ALPK1: variants seen among roughly 807,000 people sequenced by gnomAD.
ALPK1 encodes alpha-protein kinase 1.
A neutral mutation model predicts 120.6 loss-of-function variants in ALPK1; 110 were observed. That is an observed-to-expected ratio of 0.91 (90% CI 0.78 to 1.07). The LOEUF (loss-of-function observed/expected upper bound fraction) is 1.07, where lower values mean the gene tolerates loss of function less well. ALPK1 is among the 50% of genes least tolerant of loss of function. The probability of loss-of-function intolerance (pLI) is 0.00; values close to 1 mark genes in which losing one functional copy is unlikely to be tolerated. For missense variants in ALPK1, 1,498 were observed against 1,483.9 expected (o/e 1.01, Z -0.16); for synonymous variants, 582 against 560.3 (o/e 1.04, Z -0.55).
At chr4:112,337,258 TA>T (rs1729660484) in intron 2 of ALPK1, among the ~76,000 whole-genome samples, 1 of 152,194 alleles carries the variant, frequency 6.6e-6, no homozygotes. Context: ...TTCTTTGAAA[TA>T]AAAGCACATT....
intron 11 of ALPK1, among the ~76,000 whole-genome samples, chr4:112,434,276 C>T (rs1309012373): frequency 1.3e-5 from 2 of 152,200 alleles, no homozygotes; most frequent in Non-Finnish European, 2.9e-5. Flanking sequence ...GGACAGACAA[C>T]TCACCTTCCA....
At chr4:112,392,703 T>G (rs1328674503) in intron 4 of ALPK1, among the ~76,000 whole-genome samples, 2 of 152,112 alleles carry the variant, frequency 1.3e-5, no homozygotes, top group African/African-American at 4.8e-5. Flanking sequence ...ATTTTTTATT[T>G]TTTTGTAGAG....
chr4:112,418,173 T>G (rs1160483495), intron 5 of ALPK1, among the ~76,000 whole-genome samples: 1 of 152,138 alleles, frequency 6.6e-6, no homozygotes, highest in East Asian at 1.9e-4. Flanking sequence ...ACGGCTGAGA[T>G]CAAGACCTTT....
At chr4:112,314,501 G>T (rs542834079) in intron 1 of ALPK1, among the ~76,000 whole-genome samples, 1 of 152,200 alleles carries the variant, frequency 6.6e-6, no homozygotes, top group East Asian at 1.9e-4. Flanking sequence ...GGAAGTGAAT[G>T]ACTGAGGTTG....
chr4:112,306,962 A>T (rs373367821), intron 1 of ALPK1, among the ~76,000 whole-genome samples: 1 of 152,000 alleles, frequency 6.6e-6, no homozygotes, highest in East Asian at 1.9e-4. Context: ...CTTTGTTCTC[A>T]TTGGTTTCAA....
intron 2 of ALPK1, among the ~76,000 whole-genome samples, chr4:112,375,798 A>G (rs1323622109): frequency 2.0e-5 from 3 of 149,406 alleles, no homozygotes; most frequent in Admixed American, 6.7e-5. Flanking sequence ...CAAGAGGCCT[A>G]TCTTTTGGCC....
intron 1 of ALPK1, among the ~76,000 whole-genome samples, chr4:112,311,568 A>G (rs766900587): frequency 6.6e-6 from 1 of 152,138 alleles, no homozygotes; most frequent in Non-Finnish European, 1.5e-5. Context: ...GTTTAGATCT[A>G]CTTTGCCTAA....
At chr4:112,432,879 T>C (rs532347141) in intron 11 of ALPK1, among the ~76,000 whole-genome samples, 5 of 152,282 alleles carry the variant, frequency 3.3e-5, no homozygotes, top group African/African-American at 4.8e-5. Flanking sequence ...TCACTAAGGG[T>C]TGAAAACAGC....
Position 112,377,679 on chromosome 4 carries a change from T to C in ALPK1, c.-99T>C. ...CTTTCCCTCTCTTTTGTTCACCAGG[T>C]ACTTCGGCCTTCAAGGGGCTCCTTT... On this transcript the variant is annotated splice_region_variant and 5_prime_UTR_variant, in exon 3 of 16. Coordinates refer to ENST00000650871, the MANE Select transcript of ALPK1 (RefSeq NM_025144.4). 8.6e-7 allele frequency: 1 copy of C among 1,159,614 alleles called. No individual in the cohort carries two copies. Among genetic ancestry groups the C allele is most frequent in the East Asian group, 2.8e-5 (1 of 36,358 alleles). The allele number at this position is 1,159,614 out of a possible 1,614,324, so 71.8% of individuals were successfully genotyped here.
intron 2 of ALPK1, among the ~76,000 whole-genome samples, chr4:112,323,116 A>G (rs1266057567): frequency 6.6e-6 from 1 of 152,112 alleles, no homozygotes; most frequent in Non-Finnish European, 1.5e-5. Context: ...TCTGATGTGC[A>G]TCTCTTCACA....
chr4:112,439,728 C>A lies in ALPK1; in HGVS notation c.3394C>A (p.Pro1132Thr), dbSNP rs188598288. 3.0e-5 allele frequency: 48 copies of A among 1,612,844 alleles called. No individual in the cohort carries two copies. The East Asian group carries it at 1.0e-3, about 34-fold the overall frequency. The change falls in exon 14 of 16, where the codon CCT becomes ACT. Residue 1132 changes from proline (P) to threonine (T), a missense_variant. Pro to Thr is a conservative substitution (Grantham distance 38). Coordinates refer to ENST00000650871, the MANE Select transcript of ALPK1 (RefSeq NM_025144.4). ...KTIKGCISVE[P>T]YILGEFVKLS... ...AATAAAGGGATGTATCAGTGTGGAG[C>A]CTTACATACTGGGAGAATTTGTAAA...
intron 1 of ALPK1, among the ~76,000 whole-genome samples, chr4:112,301,016 C>T (rs1727762957): frequency 6.6e-6 from 1 of 152,060 alleles, no homozygotes; most frequent in Non-Finnish European, 1.5e-5. Flanking sequence ...AAAGCCTTGT[C>T]CATTCATAAT....
chr4:112,429,100 A>T (rs753667064), intron 9 of ALPK1, 49 bp from the exon 10 acceptor site: 11 of 1,518,114 alleles, frequency 7.2e-6, no homozygotes, highest in Non-Finnish European at 1.0e-5. Context: ...TTTTTTGCTC[A>T]TCGATAATTA....
chr4:112,338,961 A>T (rs2351452), intron 2 of ALPK1, among the ~76,000 whole-genome samples: 7 of 151,972 alleles, frequency 4.6e-5, no homozygotes. Flanking sequence ...AGTTCCTTCC[A>T]CTGTGCTGTA....
chr4:112,414,372 C>T (rs183469845), intron 5 of ALPK1: 8 of 452,916 alleles, frequency 1.8e-5, no homozygotes, highest in Middle Eastern at 3.5e-4. Context: ...TTTGGGAGGC[C>T]GAAGCGGGTG....
chr4:112,430,326 G>A (rs981788738), intron 10 of ALPK1, 122 bp from the exon 11 acceptor site: 1 of 969,788 alleles, frequency 1.0e-6, no homozygotes. Context: ...TAGAATGTAT[G>A]TGGCATGTGT....
chr4:112,311,508 C>T (rs918243122), intron 1 of ALPK1, among the ~76,000 whole-genome samples: 18 of 152,150 alleles, frequency 1.2e-4, no homozygotes, highest in African/African-American at 2.9e-4. Context: ...CCTCAGGCTG[C>T]GCACTTAATC....
At chr4:112,336,234 G>A (rs534436869) in intron 2 of ALPK1, among the ~76,000 whole-genome samples, 4 of 152,276 alleles carry the variant, frequency 2.6e-5, no homozygotes, top group South Asian at 2.1e-4. Context: ...CAGCAGAAAA[G>A]TAATCAAATG....
At chr4:112,390,997 A>T (rs1732389573) in intron 4 of ALPK1, among the ~76,000 whole-genome samples, 1 of 152,236 alleles carries the variant, frequency 6.6e-6, no homozygotes, top group African/African-American at 2.4e-5. Flanking sequence ...AAGAGACATT[A>T]TGAAAAACAA....
Sources: gnomAD v4.1 joint callset for allele counts (sites outside exome capture counted in the v4.1 genomes callset) on GRCh38, gnomAD v4.1.1 for gene constraint, MANE v1.5 for transcripts, NCBI Gene and HGNC (gene_info 2026-07-23, HGNC 2026-07-21) for gene names.